The following KRT10 variants were observed in gnomAD, a reference collection of about 807,000 sequenced individuals.
KRT10 encodes the protein keratin, type I cytoskeletal 10.
A neutral mutation model predicts 59.2 loss-of-function variants in KRT10; 40 were observed. The ratio of observed to expected loss-of-function variants is 0.68; its 90% CI spans 0.52 to 0.88. The LOEUF is 0.88. KRT10 is among the 40% of genes least tolerant of loss of function. The probability of loss-of-function intolerance (pLI) is 0.00; values close to 1 mark genes in which losing one functional copy is unlikely to be tolerated. For missense variants in KRT10, 719 were observed against 749.1 expected (o/e 0.96, Z 0.47); for synonymous variants, 336 against 310.7 (o/e 1.08, Z -0.86).
At position 40,818,493 on chromosome 17, in the gene KRT10, G is replaced by A. The variant is rs377364342; in HGVS notation, c.1749-11C>T. 62 of 1,568,090 alleles carry A rather than the reference G, an allele frequency of 4.0e-5. No homozygotes were observed. Among genetic ancestry groups the A allele is most frequent in the Non-Finnish European group, 5.1e-5 (58 of 1,138,610 alleles). On this transcript the variant is annotated splice_polypyrimidine_tract_variant and intron_variant, in intron 7 of 7. Transcript: ENST00000269576. ...TGGTTTTGTTAGTATCTGTGTGAAT[G>A]ATGGAAAAAAAATTTTAAACAGTCT...
At position 40,818,827 on chromosome 17, in the gene KRT10, A is replaced by G. The variant is rs767314552; in HGVS notation, c.1708T>C (p.Ser570Pro). 4 of 1,225,436 alleles carry G rather than the reference A, an allele frequency of 3.3e-6. No homozygotes were observed. The African/African-American group carries it at 9.9e-5, about 30-fold the overall frequency. The allele number at this position is 1,225,436 out of a possible 1,614,324, so 75.9% of individuals were successfully genotyped here. ...GSSSGGHKSS[S>P]SGSVGESSSK... The stretch of plus-strand genomic sequence containing the variant: ...GAAGACTCGCCCACGGACCCGGAAG[A>G]GGAGGACTTGTGGCCTCCGCTGGAG... The change falls in exon 7 of 8, where the codon TCT becomes CCT. Residue 570 changes from serine to proline, a missense_variant. By Grantham distance (74) the Ser-to-Pro change is moderately conservative (BLOSUM62 -1). This residue lies in a region of KRT10 where 315 missense variants were observed against 270.6 expected (regional missense o/e 1.16). Coordinates refer to ENST00000269576, the MANE Select transcript of KRT10 (RefSeq NM_000421.5).
At chr17:40,819,261 A>G (rs1905233116) in intron 6 of KRT10, 100 bp from the exon 7 acceptor site, 1 of 1,573,002 alleles carries the variant, frequency 6.4e-7, no homozygotes, top group East Asian at 2.2e-5. Context: ...AACGTGTTGA[A>G]AAAATAAAAC....
chr17:40,820,476 T>A (rs1482421762), intron 3 of KRT10, 35 bp downstream of exon 3: 4 of 1,614,096 alleles, frequency 2.5e-6, no homozygotes, highest in Admixed American at 1.7e-5. Flanking sequence ...TAATGAACTC[T>A]CTTTTGGCTG....
chr17:40,820,935 T>A, intron 2 of KRT10, 100 bp downstream of exon 2: 1 of 1,040,906 alleles, frequency 9.6e-7, no homozygotes, highest in Non-Finnish European at 1.5e-6. Context: ...TTTGGGTGAA[T>A]TCAGAAAAAT....
chr17:40,818,743 G>A (rs1402871641), intron 7 of KRT10, 44 bp downstream of exon 7: 1 of 1,585,590 alleles, frequency 6.3e-7, no homozygotes, highest in African/African-American at 1.4e-5. Flanking sequence ...ACCATCACAG[G>A]AAGTTAAAAC....
In KRT10 at chr17:40,820,058, T is replaced by C. The variant is rs768038386; in HGVS notation, c.1146A>G (p.Gln382=). Reference sequence around the variant, plus strand: ...ATGAGAGTTAACATACCAAGGCCAGTTGGGACTGTAGTTCTATCTCCAGAG... The same window carrying C: ...ATGAGAGTTAACATACCAAGGCCAGCTGGGACTGTAGTTCTATCTCCAGAG... The part of the protein sequence containing the change: ...VQALEIELQS[Q]LALKQSLEAS... Residue 382 remains glutamine, a synonymous_variant, in exon 5 of 8, where the codon CAA becomes CAG. Coordinates refer to ENST00000269576, the MANE Select transcript of KRT10 (RefSeq NM_000421.5). 2 of 1,612,754 alleles carry C rather than the reference T, an allele frequency of 1.2e-6. No homozygotes were observed. The highest frequency in any genetic ancestry group is 2.2e-5 in the East Asian group (1 of 44,870).
chr17:40,818,345 G>A lies in KRT10; in HGVS notation c.*131C>T, dbSNP rs899915551. 9.6e-6 allele frequency: 12 copies of A among 1,248,882 alleles called. No individual in the cohort carries two copies. The highest frequency in any genetic ancestry group is 1.4e-5 in the Non-Finnish European group (12 of 865,368). The allele number at this position is 1,248,882 out of a possible 1,614,324, so 77.4% of individuals were successfully genotyped here. ...CATGCATCTGTAAATAATGGTCTGTGTGAAGGGAGACTCTTTCCTCTTGAT... is the reference window on the plus strand; with the variant it reads ...CATGCATCTGTAAATAATGGTCTGTATGAAGGGAGACTCTTTCCTCTTGAT... On this transcript the variant is annotated 3_prime_UTR_variant, in exon 8 of 8. Transcript: ENST00000269576.
Position 40,822,226 on chromosome 17 carries a change from G to A in KRT10, c.360C>T (p.Gly120=), listed in dbSNP as rs1459400265. The change falls in exon 1 of 8, where the codon GGC becomes GGT. Residue 120 remains glycine, a synonymous_variant. Coordinates refer to ENST00000269576, the MANE Select transcript of KRT10 (RefSeq NM_000421.5). ...CTCCAAAGCCGCCTCCACCAAAGCC[G>A]CCTCCACCAAAGCTGCCCCCACCAA... is the stretch of plus-strand genomic sequence containing the variant. ...GSFGGGSFGG[G]GFGGGGFGGG... 11 of 1,610,730 alleles carry A rather than the reference G, an allele frequency of 6.8e-6. No homozygotes were observed. Among genetic ancestry groups the A allele is most frequent in the South Asian group, 1.1e-5 (1 of 90,892 alleles).
Position 40,820,140 on chromosome 17 carries a change from A to T in KRT10, c.1064T>A (p.Ile355Asn). The T allele has an allele frequency of 6.2e-7, 1 of 1,613,888 alleles. No homozygotes were observed. Among genetic ancestry groups the T allele is most frequent in the Non-Finnish European group, 8.5e-7 (1 of 1,179,826 alleles). Reference sequence around the variant, plus strand: ...AGATTTATAGCTGGATATCTGTTCAATGTTATTATCAATTTCTGTAGTCAG... The same window carrying T: ...AGATTTATAGCTGGATATCTGTTCATTGTTATTATCAATTTCTGTAGTCAG... ...KELTTEIDNN[I>N]EQISSYKSEI... is the part of the protein sequence containing the mutation. Residue 355 changes from isoleucine (I) to asparagine (N), a missense_variant, in exon 5 of 8, where the codon ATT becomes AAT. Around this residue, in one of 4 missense-constraint regions of KRT10, gnomAD observed 221 missense variants for 277.8 expected, o/e 0.80. Transcript: ENST00000269576.
Position 40,819,530 on chromosome 17 carries a change from C to G in KRT10, c.1360G>C (p.Glu454Gln). The G allele has an allele frequency of 6.2e-7, 1 of 1,613,962 alleles. No homozygotes were observed. The highest frequency in any genetic ancestry group is 8.5e-7 in the Non-Finnish European group (1 of 1,179,780). The change falls in exon 6 of 8, where the codon GAA becomes CAA. Residue 454 changes from glutamate (E) to glutamine (Q), a missense_variant. Physicochemically the swap from Glu to Gln is conservative, Grantham distance 29 (BLOSUM62 2). Coordinates refer to ENST00000269576, the MANE Select transcript of KRT10 (RefSeq NM_000421.5). Reference protein sequence around the residue: ...NEIQTYRSLLEGEGSSGGGGR... With the variant: ...NEIQTYRSLLQGEGSSGGGGR... ...TTTAAAATTTACCTTCCCTCTCCTT[C>G]TAGCAGGCTGCGGTAGGTTTGAATT...
At position 40,822,016 on chromosome 17, in the gene KRT10, CT is replaced by C; in HGVS notation, c.569del (p.Gln190ArgfsTer24). The C allele has an allele frequency of 1.2e-6, 2 of 1,614,160 alleles. No homozygotes were observed. Among genetic ancestry groups the C allele is most frequent in the Non-Finnish European group, 1.7e-6 (2 of 1,180,026 alleles). ...ATTTGCTGTAGTCACGAGGCTCCCC[CT>C]GATGTGAGTTGCCATGCTTTTCATA... The part of the protein sequence containing the change: ...EWYEKHGNSH[Q>X]GEPRDYSKYY... On this transcript the variant is annotated frameshift_variant, in exon 1 of 8. Coordinates refer to ENST00000269576, the MANE Select transcript of KRT10 (RefSeq NM_000421.5). LOFTEE classifies it high-confidence loss of function.
Position 40,822,043 on chromosome 17 carries a change from C to G in KRT10, c.543G>C (p.Trp181Cys). ...GATGTGAGTTGCCATGCTTTTCATA[C>G]CACTCCTTGATTTTGCCTTCCAGCT... is the stretch of plus-strand genomic sequence containing the variant. ...NYELEGKIKE[W>C]YEKHGNSHQG... The change falls in exon 1 of 8, where the codon TGG (tryptophan) becomes TGC (cysteine). Residue 181 changes from tryptophan to cysteine, a missense_variant. Transcript: ENST00000269576. The G allele has an allele frequency of 6.2e-7, 1 of 1,614,094 alleles. No individual in the cohort carries two copies. The highest frequency in any genetic ancestry group is 1.3e-5 in the African/African-American group (1 of 75,016).
Position 40,818,911 on chromosome 17 carries a change from A to ATCCGCCGCCGGAGCTGCT in KRT10, c.1623_1624insAGCAGCTCCGGCGGCGGA (p.Gly541_Tyr542insSerSerSerGlyGlyGly), listed in dbSNP as rs1905186344. The ATCCGCCGCCGGAGCTGCT allele has an allele frequency of 4.8e-6, 6 of 1,246,378 alleles. No homozygotes were observed. The highest frequency in any genetic ancestry group is 5.6e-5 in the African/African-American group (2 of 35,996). 77.2% of individuals were successfully genotyped at this position (1,246,378 alleles called of 1,614,324 possible). On this transcript the variant is annotated inframe_insertion, in exon 7 of 8. Transcript: ENST00000269576. ...CCGCCGCCGGAGCTGCCGCCCCCGT[A>ATCCGCCGCCGGAGCTGCT]GCCGCCGCCGCCGCCGCCGGAACTG...
rs752448327 is a variant in KRT10 at position 40,820,407 on chromosome 17, C to T, written c.884G>A (p.Arg295Gln). ...ATTCACATCACCAGTGGACACATTT[C>T]GAAGGTCTTTCATTTCCTGTTTGAG... is the stretch of plus-strand genomic sequence containing the variant. ...KNHEEEMKDLRNVSTGDVNVE... is the reference protein window; with the variant it reads ...KNHEEEMKDLQNVSTGDVNVE... The change falls in exon 4 of 8, where the codon CGA becomes CAA. Residue 295 changes from arginine to glutamine, a missense_variant. Arg to Gln is a conservative substitution (Grantham distance 43, BLOSUM62 1). Coordinates refer to ENST00000269576, the MANE Select transcript of KRT10 (RefSeq NM_000421.5). The T allele has an allele frequency of 1.9e-5, 30 of 1,614,092 alleles. No homozygotes were observed. The Middle Eastern group carries it at 8.2e-4, about 44-fold the overall frequency.
chr17:40,822,389 C>T lies in KRT10; in HGVS notation c.197G>A (p.Cys66Tyr). The T allele has an allele frequency of 6.2e-6, 10 of 1,611,314 alleles. No individual in the cohort carries two copies. Among genetic ancestry groups the T allele is most frequent in the Non-Finnish European group, 5.9e-6 (7 of 1,178,188 alleles). Reference protein sequence around the residue: ...SFSRGSSGGGCFGGSSGGYGG... With the variant: ...SFSRGSSGGGYFGGSSGGYGG... ...ATAGCCACCTGATGAGCCCCCAAAGCAGCCCCCACCAGAGCTCCCACGGCT... is the reference window on the plus strand; with the variant it reads ...ATAGCCACCTGATGAGCCCCCAAAGTAGCCCCCACCAGAGCTCCCACGGCT... Residue 66 changes from cysteine to tyrosine, a missense_variant, in exon 1 of 8, where the codon TGC becomes TAC. Cys to Tyr is a radical substitution (Grantham distance 194, BLOSUM62 -2). This residue lies in a region of KRT10 where 176 missense variants were observed against 175.7 expected (regional missense o/e 1.00). Coordinates refer to ENST00000269576, the MANE Select transcript of KRT10 (RefSeq NM_000421.5).
At chr17:40,820,785 G>C in intron 2 of KRT10, 118 bp from the exon 3 acceptor site, 3 of 1,171,768 alleles carry the variant, frequency 2.6e-6, no homozygotes, top group Non-Finnish European at 3.7e-6. Context: ...TATTTGTCAT[G>C]TACAGTTCTC....
At position 40,822,289 on chromosome 17, in the gene KRT10, T is replaced by G. The variant is rs1256921346; in HGVS notation, c.297A>C (p.Gly99=). ...CGAAACTGCCCCCTCCAAAGATGCC[T>G]CCATAACTCCCACCAAAGCTGCTAC... ...YGSSSFGGSY[G]GIFGGGSFGG... is the part of the protein sequence containing the mutation. The change falls in exon 1 of 8, where the codon GGA becomes GGC. Residue 99 remains glycine, a synonymous_variant. Transcript: ENST00000269576. 3.1e-6 allele frequency: 5 copies of G among 1,591,540 alleles called. No individual in the cohort carries two copies. In the South Asian group the frequency reaches 5.6e-5, roughly 18 times the overall value.
At chr17:40,819,387 CT>C in intron 6 of KRT10, 129 bp downstream of exon 6, 4 of 1,281,908 alleles carry the variant, frequency 3.1e-6, no homozygotes, top group Non-Finnish European at 2.2e-6. Context: ...TTGCGTACTC[CT>C]TTTTCTGTAC....
rs1905149667 is a variant in KRT10 at position 40,818,489 on chromosome 17, G to A, written c.1749-7C>T. The A allele has an allele frequency of 6.3e-7, 1 of 1,579,152 alleles. No individual in the cohort carries two copies. The highest frequency in any genetic ancestry group is 1.7e-5 in the Admixed American group (1 of 59,964). On this transcript the variant is annotated splice_region_variant and splice_polypyrimidine_tract_variant and intron_variant, in intron 7 of 7. Transcript: ENST00000269576. ...ACTCTGGTTTTGTTAGTATCTGTGT[G>A]AATGATGGAAAAAAAATTTTAAACA...
Sources: gnomAD v4.1 joint callset for allele counts on GRCh38, gnomAD v4.1.1 for gene constraint, gnomAD v4.1.1 regional missense constraint, MANE v1.5 for transcripts, NCBI Gene and HGNC (gene_info 2026-07-23, HGNC 2026-07-21) for gene names.